Variants in SRD5A2 observed in about 807,000 individuals in gnomAD.
SRD5A2 encodes steroid 5 alpha-reductase 2, also known as 3-oxo-5-alpha-steroid 4-dehydrogenase 2.
A neutral mutation model predicts 27.4 loss-of-function variants in SRD5A2; 30 were observed. The ratio of observed to expected loss-of-function variants is 1.10; its 90% confidence interval spans 0.82 to 1.49. The LOEUF (loss-of-function observed/expected upper bound fraction) is 1.49. Ranked by LOEUF, SRD5A2 falls within the 40% of genes most tolerant of loss-of-function variation. SRD5A2 has a pLI of 0.00. For missense variants in SRD5A2, 348 were observed against 323.4 expected (o/e 1.08, Z -0.58); for synonymous variants, 141 against 133.6 (o/e 1.06, Z -0.38).
chr2:31,564,599 A>G (rs1222413363), intron 1 of SRD5A2, among the ~76,000 whole-genome samples: 4 of 151,982 alleles, frequency 2.6e-5, no homozygotes, highest in African/African-American at 4.8e-5. Context: ...GAATATAGTA[A>G]CCCAACATCT....
chr2:31,525,773 C>T lies in SRD5A2; in HGVS notation c.*423G>A. On this transcript the variant is annotated 3_prime_UTR_variant, in exon 5 of 5. Coordinates refer to ENST00000622030, the MANE Select transcript of SRD5A2 (RefSeq NM_000348.4). ...AGTTTAAATTTCTGCTACTCTGTTA[C>T]ATGTATAAAATGCATACCTTTAATA... 1 of 230,202 alleles carries T rather than the reference C, an allele frequency of 4.3e-6. No individual in the cohort carries two copies. The highest frequency in any genetic ancestry group is 2.2e-5 in the African/African-American group (1 of 45,198). 14.3% of individuals were successfully genotyped at this position (230,202 alleles called of 1,614,324 possible).
At chr2:31,623,379 A>T in the SRD5A2 span, among the ~76,000 whole-genome samples, 2 of 152,224 alleles carry the variant, frequency 1.3e-5, no homozygotes, top group African/African-American at 4.8e-5. Flanking sequence ...ACATAACCAC[A>T]TTTACTTAGG....
the SRD5A2 span, among the ~76,000 whole-genome samples, chr2:31,586,735 G>A: frequency 2.0e-4 from 30 of 152,070 alleles, no homozygotes; most frequent in African/African-American, 6.3e-4. Context: ...AAAATACTCC[G>A]GTCTTTTCAA....
At chr2:31,643,828 T>C in the SRD5A2 span, among the ~76,000 whole-genome samples, 1 of 152,218 alleles carries the variant, frequency 6.6e-6, no homozygotes, top group Non-Finnish European at 1.5e-5. Flanking sequence ...TCCATGCTGA[T>C]ATGAATACAT....
intron 1 of SRD5A2, among the ~76,000 whole-genome samples, chr2:31,567,509 C>T (rs953918830): frequency 3.0e-4 from 45 of 149,988 alleles, no homozygotes; most frequent in African/African-American, 1.1e-3. Flanking sequence ...TTTCATGTCA[C>T]ATGAAGCCAT....
chr2:31,598,026 A>T, the SRD5A2 span, among the ~76,000 whole-genome samples: 1 of 152,176 alleles, frequency 6.6e-6, no homozygotes, highest in Non-Finnish European at 1.5e-5. Context: ...CACAATTCAT[A>T]ATTGCAAAAA....
rs1665742192 is a variant in SRD5A2, at chr2:31,525,006, G to A, written c.*1190C>T. The A allele has an allele frequency of 1.9e-5, 4 of 215,772 alleles. No individual in the cohort carries two copies. The highest frequency in any genetic ancestry group is 3.7e-5 in the Non-Finnish European group (4 of 107,416). 13.4% of individuals were successfully genotyped at this position (215,772 alleles called of 1,614,324 possible). ...TGAAACTAGAATGCTAGAGTTTTAT[G>A]AAGGAATCTCCTGATTTTTAAGTTT... is the stretch of plus-strand genomic sequence containing the variant. On this transcript the variant is annotated 3_prime_UTR_variant, in exon 5 of 5. Transcript: ENST00000622030.
chr2:31,660,954 A>G, the SRD5A2 span, among the ~76,000 whole-genome samples: 3 of 152,094 alleles, frequency 2.0e-5, no homozygotes, highest in Non-Finnish European at 4.4e-5. Flanking sequence ...GAAGGGTTCC[A>G]TTAATCCACC....
the SRD5A2 span, among the ~76,000 whole-genome samples, chr2:31,612,180 T>G: frequency 1.3e-5 from 2 of 151,224 alleles, no homozygotes; most frequent in African/African-American, 4.9e-5. Flanking sequence ...ACATGGGAGG[T>G]TGAGGCATGA....
At chr2:31,645,225 AAATG>A in the SRD5A2 span, among the ~76,000 whole-genome samples, 1 of 152,180 alleles carries the variant, frequency 6.6e-6, no homozygotes, top group African/African-American at 2.4e-5. Context: ...ACGTTAGAAA[AAATG>A]AATAAGACCT....
chr2:31,605,310 A>G, the SRD5A2 span, among the ~76,000 whole-genome samples: 2 of 151,850 alleles, frequency 1.3e-5, no homozygotes, highest in South Asian at 4.1e-4. Flanking sequence ...TCACAAATTA[A>G]AAAGCATCTT....
At chr2:31,589,949 C>T in the SRD5A2 span, among the ~76,000 whole-genome samples, 228 of 152,198 alleles carry the variant, frequency 1.5e-3, 4 homozygotes, top group East Asian at 0.042. Context: ...TAAGAGTGGC[C>T]TTGCTGGCTG....
the SRD5A2 span, among the ~76,000 whole-genome samples, chr2:31,602,670 A>G: frequency 6.6e-6 from 1 of 152,108 alleles, no homozygotes; most frequent in South Asian, 2.1e-4. Flanking sequence ...CTACAAGGCT[A>G]CAGTAACCCA....
intron 1 of SRD5A2, among the ~76,000 whole-genome samples, chr2:31,554,032 C>A (rs1454696597): frequency 6.6e-6 from 1 of 152,072 alleles, no homozygotes; most frequent in African/African-American, 2.4e-5. Context: ...TGTGAGGGAT[C>A]TTGAGATAAT....
chr2:31,612,686 TA>T, the SRD5A2 span, among the ~76,000 whole-genome samples: 1 of 152,106 alleles, frequency 6.6e-6, no homozygotes, highest in Non-Finnish European at 1.5e-5. Context: ...TATACGGAGT[TA>T]CAAAAGACTG....
upstream of SRD5A2, chr2:31,580,987 C>T (rs1315600187): frequency 1.4e-6 from 2 of 1,407,462 alleles, no homozygotes; most frequent in Non-Finnish European, 1.9e-6. Flanking sequence ...AGACGCCACC[C>T]GTGTCCGCCC....
chr2:31,661,228 T>C, the SRD5A2 span, among the ~76,000 whole-genome samples: 2 of 152,170 alleles, frequency 1.3e-5, no homozygotes, highest in Non-Finnish European at 2.9e-5. Context: ...ACCATTTCCA[T>C]TTGACAAGTA....
intron 1 of SRD5A2, among the ~76,000 whole-genome samples, chr2:31,549,081 AATTATTATTATTATT>A (rs71405576): frequency 2.6e-4 from 34 of 131,378 alleles, no homozygotes; most frequent in Middle Eastern, 7.5e-3. Flanking sequence ...AAGTAGAGGG[AATTATTATTATTATT>A]ATTATTATTA....
chr2:31,623,650 G>C, the SRD5A2 span, among the ~76,000 whole-genome samples: 1 of 152,082 alleles, frequency 6.6e-6, no homozygotes, highest in Non-Finnish European at 1.5e-5. Context: ...TTGAATAGGA[G>C]TGGTGAGTGA....
Sources: allele counts gnomAD v4.1 joint callset (sites outside exome capture counted in the v4.1 genomes callset), GRCh38; gene constraint gnomAD v4.1.1; transcripts MANE v1.5; gene names NCBI Gene and HGNC (gene_info 2026-07-23, HGNC 2026-07-21).